The following CCDC80 variants were observed in gnomAD, a reference collection of about 807,000 sequenced individuals.
CCDC80 encodes the protein coiled-coil domain-containing protein 80.
CCDC80 carries 49 observed loss-of-function variants against 78.7 expected under a neutral mutation model. The observed-to-expected ratio is 0.62, with a 90% CI of 0.50 to 0.79. The LOEUF (loss-of-function observed/expected upper bound fraction) is 0.79. Among genes scored for constraint, CCDC80 ranks in the 30% least tolerant of loss-of-function variants. CCDC80 has a pLI of 0.00. For synonymous variants in CCDC80, 488 were observed against 447.0 expected (o/e 1.09, Z -1.16); for missense variants, 1,205 against 1,198.6 (o/e 1.01, Z -0.08).
At chr3:112,612,666 A>C (rs555110082) in intron 5 of CCDC80, among the ~76,000 whole-genome samples, 2 of 152,260 alleles carry the variant, frequency 1.3e-5, no homozygotes, top group East Asian at 3.9e-4. Flanking sequence ...GGCATGCCCA[A>C]ATTAGTATGC....
intron 3 of CCDC80, among the ~76,000 whole-genome samples, chr3:112,628,805 G>T (rs1274864964): frequency 6.6e-6 from 1 of 152,146 alleles, no homozygotes; most frequent in Non-Finnish European, 1.5e-5. Context: ...CATTGGAAAA[G>T]ATGCTATTTA....
chr3:112,629,513 G>A (rs1035428771), intron 3 of CCDC80, among the ~76,000 whole-genome samples: 2 of 152,118 alleles, frequency 1.3e-5, no homozygotes, highest in Admixed American at 6.5e-5. Context: ...TGGGCTGTAC[G>A]CCTCATGAGT....
rs763281522 is a variant in CCDC80, at chr3:112,635,452, C to T, written c.1878+2576G>A. Reference sequence around the variant, plus strand: ...CACTGAGCTTCCTGAGTAACATTAGCCAAGTTTGATGGGAAAAGTGAGTGG... The same window carrying T: ...CACTGAGCTTCCTGAGTAACATTAGTCAAGTTTGATGGGAAAAGTGAGTGG... On this transcript the variant is annotated intron_variant, in intron 2 of 7. Coordinates refer to ENST00000206423, the MANE Select transcript of CCDC80 (RefSeq NM_199511.3). Among the ~76,000 whole-genome samples, 196 of 152,296 alleles carry T rather than the reference C, an allele frequency of 1.3e-3. 1 individual carries two copies. Among genetic ancestry groups the T allele is most frequent in the Non-Finnish European group, 2.5e-3 (167 of 68,032 alleles).
In CCDC80 at chr3:112,605,725, A is replaced by G; in HGVS notation, c.2545T>C (p.Leu849=). Reference sequence around the variant, plus strand: ...AAATAGTTACGAATGTCTTTCACCAAATGGGCTGGTACGTCTTCTCGCTCA... The same window carrying G: ...AAATAGTTACGAATGTCTTTCACCAGATGGGCTGGTACGTCTTCTCGCTCA... The part of the protein sequence containing the change: ...VVEREDVPAH[L]VKDIRNYFQV... The change falls in exon 8 of 8, where the codon TTG becomes CTG. Residue 849 remains leucine, a synonymous_variant. Transcript: ENST00000206423. 3.1e-6 allele frequency: 5 copies of G among 1,614,190 alleles called. No homozygotes were observed. Among genetic ancestry groups the G allele is most frequent in the Non-Finnish European group, 4.2e-6 (5 of 1,180,016 alleles).
rs1322250942 is a variant in CCDC80 at position 112,599,667 on chromosome 3, T to A, written c.*5750A>T. 1 of 152,330 alleles carries A rather than the reference T, an allele frequency of 6.6e-6. No individual in the cohort carries two copies. The highest frequency in any genetic ancestry group is 6.5e-5 in the Admixed American group (1 of 15,278). 9.4% of individuals were successfully genotyped at this position (152,330 alleles called of 1,614,324 possible). A position where few individuals can be genotyped will look rare whatever the true frequency, so the allele number is the denominator to read the frequency against. On this transcript the variant is annotated 3_prime_UTR_variant, in exon 8 of 8. Coordinates refer to ENST00000206423, the MANE Select transcript of CCDC80 (RefSeq NM_199511.3). The stretch of plus-strand genomic sequence containing the variant: ...GCCATCATTCACCCTACTCTCGGGC[T>A]GCTTCCATCCTCCAGGCTTCTAGAA...
At chr3:112,607,544 TGGGAGGCCGAGGTG>T (rs1332385755) in intron 6 of CCDC80, among the ~76,000 whole-genome samples, 1 of 152,150 alleles carries the variant, frequency 6.6e-6, no homozygotes, top group Non-Finnish European at 1.5e-5. Flanking sequence ...CCCAGCACTT[TGGGAGGCCGAGGTG>T]GGCAGATCAC....
In CCDC80 at chr3:112,599,844, T is replaced by C. The variant is rs1935343985; in HGVS notation, c.*5573A>G. 6.6e-6 allele frequency: 1 copy of C among 152,192 alleles called. No individual in the cohort carries two copies. The highest frequency in any genetic ancestry group is 1.5e-5 in the Non-Finnish European group (1 of 68,034). 9.4% of individuals were successfully genotyped at this position (152,192 alleles called of 1,614,324 possible). ...ATTCACCTCAGAGCCCTGGGAGATGTCTGATGAAAAGTAGTTTTTGAAGAG... is the reference window on the plus strand; with the variant it reads ...ATTCACCTCAGAGCCCTGGGAGATGCCTGATGAAAAGTAGTTTTTGAAGAG... On this transcript the variant is annotated 3_prime_UTR_variant, in exon 8 of 8. Transcript: ENST00000206423.
At chr3:112,619,133 T>A in intron 3 of CCDC80, 29 bp from the exon 4 acceptor site, 1 of 1,532,548 alleles carries the variant, frequency 6.5e-7, no homozygotes, top group East Asian at 2.3e-5. Flanking sequence ...TGAATGAATA[T>A]GGGTGTGGCA....
At chr3:112,607,305 A>G (rs752817826) in intron 6 of CCDC80, 49 bp from the exon 7 acceptor site, 11 of 1,400,432 alleles carry the variant, frequency 7.9e-6, no homozygotes, top group African/African-American at 1.4e-5. Flanking sequence ...ATTAGAAGTT[A>G]TCTTTTACTT....
chr3:112,634,134 G>T (rs1448766254), intron 2 of CCDC80, among the ~76,000 whole-genome samples: 1 of 81,080 alleles, frequency 1.2e-5, no homozygotes, highest in African/African-American at 2.6e-5. Flanking sequence ...GGCTCAAAAT[G>T]CTAGATTTTT....
At chr3:112,630,016 T>C in intron 3 of CCDC80, 97 bp downstream of exon 3, 1 of 1,160,732 alleles carries the variant, frequency 8.6e-7, no homozygotes. Flanking sequence ...CTGAACATCT[T>C]CATTTTCTTT....
chr3:112,626,752 T>A (rs773465897), intron 3 of CCDC80, among the ~76,000 whole-genome samples: 2 of 152,172 alleles, frequency 1.3e-5, no homozygotes, highest in Non-Finnish European at 2.9e-5. Context: ...TTCACCATAT[T>A]GGCCAGGCTG....
At chr3:112,612,040 C>CTTTT (rs754201530) in intron 5 of CCDC80, among the ~76,000 whole-genome samples, 1 of 133,426 alleles carries the variant, frequency 7.5e-6, no homozygotes, top group Non-Finnish European at 1.6e-5. Context: ...ACTTCCTCTG[C>CTTTT]TTTTTTTTTT....
At chr3:112,614,702 G>A (rs1453356595) in intron 5 of CCDC80, among the ~76,000 whole-genome samples, 1 of 152,190 alleles carries the variant, frequency 6.6e-6, no homozygotes, top group Non-Finnish European at 1.5e-5. Context: ...CCGAAATTCT[G>A]TGGTTTTAAG....
At chr3:112,607,348 T>C in intron 6 of CCDC80, 92 bp from the exon 7 acceptor site, 2 of 883,080 alleles carry the variant, frequency 2.3e-6, no homozygotes, top group Non-Finnish European at 3.5e-6. Context: ...TAAAAATCTC[T>C]TAAATTTAAA....
intron 6 of CCDC80, among the ~76,000 whole-genome samples, chr3:112,607,571 G>A (rs58317173): frequency 0.035 from 5,368 of 152,230 alleles, 245 homozygotes; most frequent in African/African-American, 0.11. Flanking sequence ...CAGATCACGA[G>A]GTCAGGAGAT....
chr3:112,636,204 G>A (rs569022403), intron 2 of CCDC80, among the ~76,000 whole-genome samples: 1 of 152,296 alleles, frequency 6.6e-6, no homozygotes, highest in East Asian at 1.9e-4. Flanking sequence ...ATGCCCCAGA[G>A]AGAGCAGTTT....
intron 5 of CCDC80, among the ~76,000 whole-genome samples, chr3:112,613,850 TTA>T (rs1935681702): frequency 6.6e-6 from 1 of 151,548 alleles, no homozygotes; most frequent in African/African-American, 2.4e-5. Flanking sequence ...ATAGTAATAA[TTA>T]TATATATGTT....
At chr3:112,630,986 C>G (rs1936086643) in intron 2 of CCDC80, among the ~76,000 whole-genome samples, 1 of 151,952 alleles carries the variant, frequency 6.6e-6, no homozygotes, top group Non-Finnish European at 1.5e-5. Context: ...TGTCTTTCAT[C>G]CTCATCCTAT....
Sources: gnomAD v4.1 joint callset for allele counts (sites outside exome capture counted in the v4.1 genomes callset) on GRCh38, gnomAD v4.1.1 for gene constraint, MANE v1.5 for transcripts, NCBI Gene and HGNC (gene_info 2026-07-23, HGNC 2026-07-21) for gene names.